The following MRC2 variants were observed in gnomAD, a reference collection of about 807,000 sequenced individuals.
The protein encoded by MRC2 is mannose receptor C-type 2.
MRC2 carries 84 observed loss-of-function variants against 206.2 expected under a neutral mutation model. The ratio of observed to expected loss-of-function variants is 0.41; its 90% CI spans 0.34 to 0.49. The LOEUF (loss-of-function observed/expected upper bound fraction) is 0.49. MRC2 is among the 20% of genes least tolerant of loss of function. The pLI is 0.31. For missense variants in MRC2, 1,676 were observed against 2,001.5 expected (o/e 0.84, Z 3.10); for synonymous variants, 798 against 800.0 (o/e 1.00, Z 0.04).
rs751154531 is a variant in MRC2, at chr17:62,692,065, A to C, written c.4193-47A>C. On this transcript the variant is annotated intron_variant, in intron 28 of 29. Transcript: ENST00000303375. The surrounding 1 kb of genome is among the most constrained non-coding windows in gnomAD (Gnocchi z 4.2). ...TTGTATGTTTACTTAAGTGATTATT[A>C]CGATGATCACTGCTATTATTAACTG... is the stretch of plus-strand genomic sequence containing the variant. 1.2e-6 allele frequency: 2 copies of C among 1,611,412 alleles called. No individual in the cohort carries two copies. Among genetic ancestry groups the C allele is most frequent in the Non-Finnish European group, 1.7e-6 (2 of 1,177,576 alleles).
At chr17:62,661,626 A>G (rs2088683333) in intron 1 of MRC2, 1 of 144,572 alleles carries the variant, frequency 6.9e-6, no homozygotes, top group Admixed American at 7.2e-5. Context: ...CTTTCTTAAG[A>G]CTAGTAAAGT....
At chr17:62,648,391 G>A (rs763751392) in intron 1 of MRC2, among the ~76,000 whole-genome samples, 7 of 152,192 alleles carry the variant, frequency 4.6e-5, no homozygotes, top group South Asian at 2.1e-4. Context: ...AACTCCTCCC[G>A]TCCCAGTGTC....
chr17:62,635,935 C>G (rs2088310522), intron 1 of MRC2, among the ~76,000 whole-genome samples: 6 of 151,646 alleles, frequency 4.0e-5, no homozygotes, highest in Admixed American at 4.0e-4. Flanking sequence ...CTACAGGCGC[C>G]CGCCACCACG....
At chr17:62,629,961 T>C (rs2084203436) in intron 1 of MRC2, among the ~76,000 whole-genome samples, 1 of 152,214 alleles carries the variant, frequency 6.6e-6, no homozygotes, top group African/African-American at 2.4e-5. Context: ...GAGGCGGCAG[T>C]GCCTTCTTGG....
intron 1 of MRC2, among the ~76,000 whole-genome samples, chr17:62,658,663 A>G (rs2088645845): frequency 6.6e-6 from 1 of 152,226 alleles, no homozygotes; most frequent in Non-Finnish European, 1.5e-5. Context: ...GGAGAGGAAG[A>G]TAACGTCCTC....
intron 1 of MRC2, among the ~76,000 whole-genome samples, chr17:62,658,133 T>C (rs2088639305): frequency 6.6e-6 from 1 of 152,210 alleles, no homozygotes; most frequent in Admixed American, 6.5e-5. Context: ...CTCCTCCACA[T>C]TGCAGTCTTC....
At chr17:62,640,834 G>A (rs1302120153) in intron 1 of MRC2, among the ~76,000 whole-genome samples, 1 of 151,682 alleles carries the variant, frequency 6.6e-6, no homozygotes, top group Non-Finnish European at 1.5e-5. Context: ...ACAGGTGCCC[G>A]CCACCATGCC....
Position 62,680,405 on chromosome 17 carries a change from C to A in MRC2, c.2438-13C>A. ...CTCCTTTCCTCACAACGTCTTTGTC[C>A]TTGTTCCCCTAGGTACGGACGTGCG... On this transcript the variant is annotated splice_polypyrimidine_tract_variant and intron_variant, in intron 15 of 29. Coordinates refer to ENST00000303375, the MANE Select transcript of MRC2 (RefSeq NM_006039.5). The surrounding 1 kb of genome is among the most constrained non-coding windows in gnomAD (Gnocchi z 4.8). 1 of 1,614,148 alleles carries A rather than the reference C, an allele frequency of 6.2e-7. No individual in the cohort carries two copies. Among genetic ancestry groups the A allele is most frequent in the Non-Finnish European group, 8.5e-7 (1 of 1,179,988 alleles).
At chr17:62,686,382 G>A (rs2089032250) in intron 20 of MRC2, among the ~76,000 whole-genome samples, 1 of 152,180 alleles carries the variant, frequency 6.6e-6, no homozygotes, top group African/African-American at 2.4e-5. Flanking sequence ...GAACCTGGGA[G>A]GCGGAGGTTG....
intron 6 of MRC2, among the ~76,000 whole-genome samples, chr17:62,668,232 C>T (rs1175631966): frequency 6.6e-6 from 1 of 151,618 alleles, no homozygotes; most frequent in South Asian, 2.1e-4. Context: ...TGGTGATGCA[C>T]GCCTGTCTAC....
chr17:62,657,569 C>T (rs1173017294), intron 1 of MRC2, among the ~76,000 whole-genome samples: 2 of 151,280 alleles, frequency 1.3e-5, no homozygotes, highest in Non-Finnish European at 2.9e-5. Context: ...GGCCCTGCAC[C>T]TTCTGTGGGG....
chr17:62,645,271 C>T (rs918258182), intron 1 of MRC2, among the ~76,000 whole-genome samples: 1 of 151,826 alleles, frequency 6.6e-6, no homozygotes, highest in Non-Finnish European at 1.5e-5. Flanking sequence ...ATATTTTAAA[C>T]CTTCACATTC....
In MRC2 at chr17:62,666,883, G is replaced by T. The variant is rs1277897589; in HGVS notation, c.973+13G>T. 3.1e-6 allele frequency: 5 copies of T among 1,611,460 alleles called. No individual in the cohort carries two copies. In the East Asian group the frequency reaches 8.9e-5, roughly 29 times the overall value. On this transcript the variant is annotated intron_variant, in intron 5 of 29. Transcript: ENST00000303375. This position sits in a 1 kb window ranked among gnomAD's most constrained non-coding sequence, Gnocchi z 5.0. ...AACTGGGAGAGTGGTGAGGCACAAG[G>T]TTGGGGGCGCAGGGCAGCATAGGGG...
At chr17:62,684,108 T>A (rs1442530740) in intron 20 of MRC2, 1 of 152,168 alleles carries the variant, frequency 6.6e-6, no homozygotes, top group Admixed American at 6.5e-5. Flanking sequence ...TTTAAAAAAT[T>A]TTAGTCTGAC....
chr17:62,648,582 C>G (rs1374014439), intron 1 of MRC2, among the ~76,000 whole-genome samples: 1 of 152,184 alleles, frequency 6.6e-6, no homozygotes, highest in Non-Finnish European at 1.5e-5. Context: ...AGAGAGCCCC[C>G]TACTTTTCCC....
chr17:62,692,501 C>T lies in MRC2; in HGVS notation c.*50C>T. On this transcript the variant is annotated 3_prime_UTR_variant, in exon 30 of 30. Coordinates refer to ENST00000303375, the MANE Select transcript of MRC2 (RefSeq NM_006039.5). This position sits in a 1 kb window ranked among gnomAD's most constrained non-coding sequence, Gnocchi z 4.2. ...GGCGGGAGGAGCTGGGGAGCTGGGG[C>T]CCTGGGTCAGTCTGGCCCCCCACCA... 1 of 1,513,070 alleles carries T rather than the reference C, an allele frequency of 6.6e-7. No homozygotes were observed. Among genetic ancestry groups the T allele is most frequent in the Non-Finnish European group, 8.9e-7 (1 of 1,120,270 alleles). 93.7% of individuals were successfully genotyped at this position (1,513,070 alleles called of 1,614,324 possible).
intron 1 of MRC2, among the ~76,000 whole-genome samples, chr17:62,637,777 T>C (rs1226027857): frequency 6.6e-6 from 1 of 152,210 alleles, no homozygotes; most frequent in Non-Finnish European, 1.5e-5. Context: ...ACGGCTGCTC[T>C]AGCATTTTAC....
chr17:62,664,180 C>G lies in MRC2; in HGVS notation c.119-368C>G, dbSNP rs1359468338. On this transcript the variant is annotated intron_variant, in intron 1 of 29. Coordinates refer to ENST00000303375, the MANE Select transcript of MRC2 (RefSeq NM_006039.5). The surrounding 1 kb of genome is among the most constrained non-coding windows in gnomAD (Gnocchi z 4.7). ...TTCACCGTTTTAGCCGGGATGGTCT[C>G]GATCTCCTGACCTCGTGATCCGCCC... Among the ~76,000 whole-genome samples, 1 of 152,004 alleles carries G rather than the reference C, an allele frequency of 6.6e-6. No homozygotes were observed. The highest frequency in any genetic ancestry group is 2.4e-5 in the African/African-American group (1 of 41,466).
chr17:62,627,711 G>A lies in MRC2; in HGVS notation c.-92G>A. On this transcript the variant is annotated 5_prime_UTR_variant, in exon 1 of 30. Transcript: ENST00000303375. ...CCGGAGGAGGACGCGAGCCCCTTGC[G>A]GGCGGTCATCACAGCCCAGCCTCGG... The A allele has an allele frequency of 1.1e-6, 1 of 941,956 alleles. No homozygotes were observed. Among genetic ancestry groups the A allele is most frequent in the East Asian group, 3.3e-5 (1 of 30,570 alleles). The allele number at this position is 941,956 out of a possible 1,614,324, so 58.3% of individuals were successfully genotyped here.
Sources: allele counts gnomAD v4.1 joint callset (sites outside exome capture counted in the v4.1 genomes callset), GRCh38; gene constraint gnomAD v4.1.1; non-coding constraint Gnocchi (gnomAD v3.1); transcripts MANE v1.5; gene names NCBI Gene and HGNC (gene_info 2026-07-23, HGNC 2026-07-21).